BTBD1: variants seen among roughly 807,000 people sequenced by gnomAD.
BTBD1 encodes the protein BTB/POZ domain-containing protein 1.
In BTBD1, 34 loss-of-function variants were observed where a neutral mutation model predicts 48.0. The ratio of observed to expected loss-of-function variants is 0.71; its 90% CI spans 0.54 to 0.94. The LOEUF (loss-of-function observed/expected upper bound fraction) is 0.94. Ranked by LOEUF, BTBD1 falls within the 40% of genes least tolerant of loss-of-function variation. BTBD1 has a pLI of 0.00. For missense variants in BTBD1, 543 were observed against 625.6 expected, an observed-to-expected ratio of 0.87 and a Z score of 1.41; for synonymous variants, 261 against 242.1, an observed-to-expected ratio of 1.08 and a Z score of -0.72.
chr15:83,047,705 C>T (rs1193021134), intron 3 of BTBD1, among the ~76,000 whole-genome samples: 3 of 152,160 alleles, frequency 2.0e-5, no homozygotes, highest in Non-Finnish European at 2.9e-5. Flanking sequence ...GACAGAACAA[C>T]AAGAACGAAC....
chr15:83,063,861 T>C (rs576898958), intron 1 of BTBD1, among the ~76,000 whole-genome samples: 34 of 152,258 alleles, frequency 2.2e-4, no homozygotes, highest in Non-Finnish European at 3.8e-4. Flanking sequence ...CCTTCTCTCA[T>C]AACTTGATTA....
intron 4 of BTBD1, 150 bp from the exon 5 acceptor site, chr15:83,030,478 AG>A (rs2032495406): frequency 2.3e-5 from 15 of 642,348 alleles, no homozygotes; most frequent in Non-Finnish European, 4.0e-5. Context: ...ATATATTTTA[AG>A]GTTTCAATAA....
intron 5 of BTBD1, chr15:83,024,432 A>C (rs1488470084): frequency 1.3e-5 from 2 of 152,188 alleles, no homozygotes; most frequent in East Asian, 3.8e-4. Flanking sequence ...AAAACTTTTC[A>C]ATTATCTGTT....
At chr15:83,019,751 T>A (rs1396172977) in intron 6 of BTBD1, among the ~76,000 whole-genome samples, 1 of 150,650 alleles carries the variant, frequency 6.6e-6, no homozygotes, top group Non-Finnish European at 1.5e-5. Context: ...TGCACCACCA[T>A]GCCCAGCTAA....
rs2033244206 is a variant in BTBD1 at position 83,065,223 on chromosome 15, C to T, written c.401+1528G>A. Among the ~76,000 whole-genome samples the T allele has an allele frequency of 2.0e-5, 3 of 152,342 alleles. 1 individual carries two copies. In the South Asian group the frequency reaches 6.2e-4, roughly 32 times the overall value. On this transcript the variant is annotated intron_variant, in intron 1 of 7. Coordinates refer to ENST00000261721, the MANE Select transcript of BTBD1 (RefSeq NM_025238.4). ...TGCTTCTTACGTGTGGAAAGAAAAT[C>T]TATAGCACCAAACTGTTTTCCAAAA...
chr15:83,050,430 T>TTGTG (rs71927319), intron 2 of BTBD1, among the ~76,000 whole-genome samples: 10,424 of 146,150 alleles, frequency 0.071, 379 homozygotes, highest in African/African-American at 0.09. Flanking sequence ...TTTTATGTGC[T>TTGTG]TGTGTGTGTG....
At chr15:83,045,129 G>T (rs1304519276) in intron 3 of BTBD1, among the ~76,000 whole-genome samples, 3 of 152,112 alleles carry the variant, frequency 2.0e-5, no homozygotes, top group African/African-American at 7.2e-5. Flanking sequence ...AGTTACAGCA[G>T]AAATCAATTA....
chr15:83,034,770 G>A (rs2032592583), intron 4 of BTBD1, among the ~76,000 whole-genome samples: 2 of 151,940 alleles, frequency 1.3e-5, no homozygotes, highest in South Asian at 2.1e-4. Context: ...GGAACCAAAA[G>A]GAAACACATT....
chr15:83,030,252 G>A lies in BTBD1; in HGVS notation c.939C>T (p.Pro313=). The A allele has an allele frequency of 6.2e-7, 1 of 1,613,852 alleles. No individual in the cohort carries two copies. The highest frequency in any genetic ancestry group is 8.5e-7 in the Non-Finnish European group (1 of 1,179,900). Reference sequence around the variant, plus strand: ...TTGGTCGGTCAATGTATTCAACTCGGGGTTTAGGGTTGACAGTAAAATGAA... The same window carrying A: ...TTGGTCGGTCAATGTATTCAACTCGAGGTTTAGGGTTGACAGTAAAATGAA... ...LFLHFTVNPK[P]RVEYIDRPRC... is the part of the protein sequence containing the mutation. The change falls in exon 5 of 8, where the codon CCC becomes CCT. Residue 313 remains proline (P), a synonymous_variant. Coordinates refer to ENST00000261721, the MANE Select transcript of BTBD1 (RefSeq NM_025238.4).
chr15:83,041,759 G>A lies in BTBD1; in HGVS notation c.831C>T (p.Phe277=), dbSNP rs150699820. ...CAAATTCCTCAATTGTCATCAGTGGGAACCGGATTAAGGAAAGTGCTTTTC... is the reference window on the plus strand; with the variant it reads ...CAAATTCCTCAATTGTCATCAGTGGAAACCGGATTAAGGAAAGTGCTTTTC... The part of the protein sequence containing the change: ...VLGKALSLIR[F]PLMTIEEFAA... Residue 277 remains phenylalanine (F), a synonymous_variant, in exon 4 of 8, where the codon TTC becomes TTT. Coordinates refer to ENST00000261721, the MANE Select transcript of BTBD1 (RefSeq NM_025238.4). 5.0e-6 allele frequency: 8 copies of A among 1,614,032 alleles called. No homozygotes were observed. The highest frequency in any genetic ancestry group is 5.9e-6 in the Non-Finnish European group (7 of 1,180,026).
At chr15:83,029,957 T>G in intron 5 of BTBD1, 179 bp downstream of exon 5, 2 of 655,098 alleles carry the variant, frequency 3.1e-6, no homozygotes, top group South Asian at 3.9e-5. Context: ...CACTCATAAA[T>G]CAGTGAGGAG....
rs766139672 is a variant in BTBD1 at position 83,067,195 on chromosome 15, G to T, written c.-44C>A. Reference sequence around the variant, plus strand: ...CCCACGTTATGGACAAAACTCCGCCGCCATCGCCCAGGCCGCCTCCGGAGG... The same window carrying T: ...CCCACGTTATGGACAAAACTCCGCCTCCATCGCCCAGGCCGCCTCCGGAGG... On this transcript the variant is annotated 5_prime_UTR_variant, in exon 1 of 8. Coordinates refer to ENST00000261721, the MANE Select transcript of BTBD1 (RefSeq NM_025238.4). The T allele has an allele frequency of 1.5e-6, 2 of 1,356,396 alleles. No individual in the cohort carries two copies. Among genetic ancestry groups the T allele is most frequent in the South Asian group, 1.9e-5 (1 of 53,098 alleles). 84.0% of individuals were successfully genotyped at this position (1,356,396 alleles called of 1,614,324 possible).
chr15:83,038,127 T>C (rs2032667042), intron 4 of BTBD1, among the ~76,000 whole-genome samples: 1 of 152,104 alleles, frequency 6.6e-6, no homozygotes, highest in Admixed American at 6.6e-5. Context: ...CTGGAACTGA[T>C]AAAGAACTTC....
chr15:83,061,737 G>A (rs1161728080), intron 1 of BTBD1: 1 of 152,256 alleles, frequency 6.6e-6, no homozygotes, highest in Non-Finnish European at 1.5e-5. Context: ...ACCTCCAGAT[G>A]AGTCCAACCC....
At chr15:83,042,535 C>T (rs1280149392) in intron 3 of BTBD1, among the ~76,000 whole-genome samples, 1 of 151,760 alleles carries the variant, frequency 6.6e-6, no homozygotes, top group African/African-American at 2.4e-5. Flanking sequence ...TGGCACGGGC[C>T]ACCACACCTG....
At chr15:83,044,607 A>C in intron 3 of BTBD1, 1 of 1,590,326 alleles carries the variant, frequency 6.3e-7, no homozygotes, top group Non-Finnish European at 8.6e-7. Flanking sequence ...TGATGGCAGA[A>C]AAACTCAGAC....
chr15:83,060,560 G>C (rs1428717363), intron 1 of BTBD1, among the ~76,000 whole-genome samples: 1 of 151,882 alleles, frequency 6.6e-6, no homozygotes, highest in Non-Finnish European at 1.5e-5. Flanking sequence ...TTGGGAGGCC[G>C]AGGCAGGCGG....
chr15:83,029,883 A>G (rs1168829468), intron 5 of BTBD1: 18 of 440,850 alleles, frequency 4.1e-5, no homozygotes, highest in East Asian at 1.8e-4. Flanking sequence ...AAACAAAAAA[A>G]TCACGTAACA....
At chr15:83,054,921 C>T (rs1170821835) in intron 2 of BTBD1, among the ~76,000 whole-genome samples, 2 of 152,070 alleles carry the variant, frequency 1.3e-5, no homozygotes, top group Non-Finnish European at 2.9e-5. Context: ...AGCTCTGGGC[C>T]ATGGCCCTAC....
Sources: allele counts gnomAD v4.1 joint callset (sites outside exome capture counted in the v4.1 genomes callset), GRCh38; gene constraint gnomAD v4.1.1; transcripts MANE v1.5; gene names NCBI Gene and HGNC (gene_info 2026-07-23, HGNC 2026-07-21).